Variants in PTPRU observed in about 807,000 individuals in gnomAD.
PTPRU encodes receptor-type tyrosine-protein phosphatase U.
Under a neutral mutation model 166.3 loss-of-function variants are expected in PTPRU, and 69 were observed. The ratio of observed to expected loss-of-function variants is 0.41; its 90% CI spans 0.34 to 0.51. The LOEUF is 0.51. Among genes scored for constraint, PTPRU ranks in the 20% least tolerant of loss-of-function variants. PTPRU has a pLI of 0.09. For synonymous variants in PTPRU, 793 were observed against 814.0 expected (o/e 0.97, Z 0.44); for missense variants, 1,657 against 2,013.7 (o/e 0.82, Z 3.39).
Position 29,326,239 on chromosome 1 carries a change from C to G in PTPRU, c.*578C>G, listed in dbSNP as rs1406783095. The G allele has an allele frequency of 1.4e-5, 3 of 210,732 alleles. No homozygotes were observed. The highest frequency in any genetic ancestry group is 2.3e-5 in the African/African-American group (1 of 43,922). 13.1% of individuals were successfully genotyped at this position (210,732 alleles called of 1,614,324 possible). A position where few individuals can be genotyped will look rare whatever the true frequency, so the allele number is the denominator to read the frequency against. The stretch of plus-strand genomic sequence containing the variant: ...CTGCAGCGCCCTCCTCCCCACTGCC[C>G]CCTGCAGCCCCTGAGATATTTTGCT... On this transcript the variant is annotated 3_prime_UTR_variant, in exon 30 of 30. Transcript: ENST00000373779.
rs763070961 is a variant in PTPRU at position 29,310,789 on chromosome 1, C to A, written c.2857+9C>A. ...CTTCATAGCCACTCAAGGTACCTGGCACTTCTGCCCACATGCGCCTTCCCA... is the reference window on the plus strand; with the variant it reads ...CTTCATAGCCACTCAAGGTACCTGGAACTTCTGCCCACATGCGCCTTCCCA... On this transcript the variant is annotated intron_variant, in intron 19 of 29. Transcript: ENST00000373779. The A allele has an allele frequency of 1.9e-6, 3 of 1,613,226 alleles. No individual in the cohort carries two copies. In the South Asian group the frequency reaches 3.3e-5, roughly 18 times the overall value.
rs574366883 is a variant in PTPRU, at chr1:29,238,363, C to A, written c.73+1646C>A. On this transcript the variant is annotated intron_variant, in intron 1 of 29. Transcript: ENST00000373779. The surrounding 1 kb of genome is among the most constrained non-coding windows in gnomAD (Gnocchi z 6.1). ...CGGGGCCCTGCTCCGGGTGACCTCC[C>A]CCGCCCTCGCCACCGGCGGGGCTGC... Among the ~76,000 whole-genome samples the A allele has an allele frequency of 6.6e-6, 1 of 152,050 alleles. No homozygotes were observed. The highest frequency in any genetic ancestry group is 1.5e-5 in the Non-Finnish European group (1 of 67,984).
At chr1:29,241,331 G>A (rs1251251776) in intron 1 of PTPRU, among the ~76,000 whole-genome samples, 1 of 152,082 alleles carries the variant, frequency 6.6e-6, no homozygotes, top group Non-Finnish European at 1.5e-5. Flanking sequence ...CATCCCTGGG[G>A]CTGGAGGTGG....
Position 29,320,636 on chromosome 1 carries a change from A to G in PTPRU, c.3688-49A>G. 1 of 1,508,642 alleles carries G rather than the reference A, an allele frequency of 6.6e-7. No individual in the cohort carries two copies. Among genetic ancestry groups the G allele is most frequent in the Non-Finnish European group, 8.9e-7 (1 of 1,118,122 alleles). The allele number at this position is 1,508,642 out of a possible 1,614,324, so 93.5% of individuals were successfully genotyped here. ...ACAGCCTGGGGCAGAGGCTCAGCCC[A>G]GGCCAGGGGCCGGGAACAGGGCCCT... On this transcript the variant is annotated intron_variant, in intron 25 of 29. Transcript: ENST00000373779. This position sits in a 1 kb window ranked among gnomAD's most constrained non-coding sequence, Gnocchi z 5.2.
chr1:29,292,939 C>T (rs564272199), intron 15 of PTPRU, among the ~76,000 whole-genome samples: 35 of 151,942 alleles, frequency 2.3e-4, no homozygotes, highest in African/African-American at 8.2e-4. Context: ...CCTTAACCTC[C>T]CAAGTAGCTG....
rs763576226 is a variant in PTPRU at position 29,305,424 on chromosome 1, T to C, written c.2816T>C (p.Ile939Thr). ...GCCGACTACATTAATGCCAACTACA[T>C]AGATGTGAGTGCCTTGCCCTGTCAT... ...PNADYINANY[I>T]DGYHRSNHFI... is the part of the protein sequence containing the mutation. The change falls in exon 18 of 30, where the codon ATA becomes ACA. Residue 939 changes from isoleucine to threonine, a missense_variant. Ile to Thr is a moderately conservative substitution (Grantham distance 89). Around this residue, in one of 3 missense-constraint regions of PTPRU, gnomAD observed 1,190 missense variants for 1,477.4 expected, o/e 0.81. Transcript: ENST00000373779. 6.2e-7 allele frequency: 1 copy of C among 1,613,548 alleles called. No individual in the cohort carries two copies. The highest frequency in any genetic ancestry group is 2.2e-5 in the East Asian group (1 of 44,870).
chr1:29,251,914 G>A (rs530525755), intron 1 of PTPRU, among the ~76,000 whole-genome samples: 2 of 152,302 alleles, frequency 1.3e-5, no homozygotes, highest in East Asian at 3.9e-4. Flanking sequence ...TCCTCCTCCA[G>A]GAAGTCCTCC....
At chr1:29,273,303 G>C (rs1315770625) in intron 7 of PTPRU, among the ~76,000 whole-genome samples, 2 of 152,058 alleles carry the variant, frequency 1.3e-5, no homozygotes, top group African/African-American at 4.8e-5. Context: ...GCGTCTCACT[G>C]TGTCGCCCAG....
intron 1 of PTPRU, among the ~76,000 whole-genome samples, chr1:29,247,688 G>A (rs575127170): frequency 3.9e-5 from 6 of 152,286 alleles, no homozygotes; most frequent in East Asian, 1.9e-4. Context: ...GCCCTGGCCT[G>A]TGCCTTCCCC....
chr1:29,324,931 TC>T (rs2151973025), intron 28 of PTPRU, among the ~76,000 whole-genome samples: 1 of 149,706 alleles, frequency 6.7e-6, no homozygotes, highest in East Asian at 2.0e-4. Flanking sequence ...GTTTCCTAGC[TC>T]TGCCCCTCAT....
chr1:29,280,190 G>A lies in PTPRU; in HGVS notation c.1868+49G>A. Reference sequence around the variant, plus strand: ...TGGGAGTCCAGGGCCTTAGGAAAGAGGCCCCTCCTCTGACCCAGAGCCCCA... The same window carrying A: ...TGGGAGTCCAGGGCCTTAGGAAAGAAGCCCCTCCTCTGACCCAGAGCCCCA... On this transcript the variant is annotated intron_variant, in intron 11 of 29. Coordinates refer to ENST00000373779, the MANE Select transcript of PTPRU (RefSeq NM_133178.4). The surrounding 1 kb of genome is among the most constrained non-coding windows in gnomAD (Gnocchi z 4.2). The A allele has an allele frequency of 2.0e-6, 3 of 1,527,124 alleles. No individual in the cohort carries two copies. Among genetic ancestry groups the A allele is most frequent in the Non-Finnish European group, 2.7e-6 (3 of 1,106,242 alleles). The allele number at this position is 1,527,124 out of a possible 1,614,324, so 94.6% of individuals were successfully genotyped here. A position where few individuals can be genotyped will look rare whatever the true frequency, so the allele number is the denominator to read the frequency against.
rs1296960534 is a variant in PTPRU, at chr1:29,311,339, C to G, written c.2858-117C>G. 1 of 924,440 alleles carries G rather than the reference C, an allele frequency of 1.1e-6. No individual in the cohort carries two copies. Among genetic ancestry groups the G allele is most frequent in the Non-Finnish European group, 1.7e-6 (1 of 602,606 alleles). The allele number at this position is 924,440 out of a possible 1,614,324, so 57.3% of individuals were successfully genotyped here. On this transcript the variant is annotated intron_variant, in intron 19 of 29. Coordinates refer to ENST00000373779, the MANE Select transcript of PTPRU (RefSeq NM_133178.4). The surrounding 1 kb of genome is among the most constrained non-coding windows in gnomAD (Gnocchi z 4.1). The stretch of plus-strand genomic sequence containing the variant: ...TGGGTGTTGTGGGCAGCATGAAGCC[C>G]CCGTTGGGGCTCAGGAGGCCTCCTG...
At position 29,280,733 on chromosome 1, in the gene PTPRU, G is replaced by A. The variant is rs1291101783; in HGVS notation, c.1868+592G>A. On this transcript the variant is annotated intron_variant, in intron 11 of 29. Coordinates refer to ENST00000373779, the MANE Select transcript of PTPRU (RefSeq NM_133178.4). The surrounding 1 kb of genome is among the most constrained non-coding windows in gnomAD (Gnocchi z 4.2). ...TTGTGATAAAGACATGGGATGTGTG[G>A]TGTGAGTGTGTGTGAGAGGCGTATA... 6.6e-6 allele frequency among the ~76,000 whole-genome samples: 1 copy of A among 151,894 alleles called. No individual in the cohort carries two copies. Among genetic ancestry groups the A allele is most frequent in the African/African-American group, 2.4e-5 (1 of 41,326 alleles).
chr1:29,325,380 G>A, intron 29 of PTPRU, 54 bp downstream of exon 29: 1 of 1,596,528 alleles, frequency 6.3e-7, no homozygotes, highest in Non-Finnish European at 8.6e-7. Flanking sequence ...TCCATGCCAG[G>A]CCAGGTTCCT....
chr1:29,317,721 C>T lies in PTPRU; in HGVS notation c.3514-27C>T. On this transcript the variant is annotated intron_variant, in intron 24 of 29. Transcript: ENST00000373779. This position sits in a 1 kb window ranked among gnomAD's most constrained non-coding sequence, Gnocchi z 5.6. ...GGCCCAGCAAGCCCTGGACGTAACT[C>T]TCTGTCCCCACCCCCGCTCCCTGTA... is the stretch of plus-strand genomic sequence containing the variant. 6.3e-7 allele frequency: 1 copy of T among 1,584,350 alleles called. No individual in the cohort carries two copies. Among genetic ancestry groups the T allele is most frequent in the Non-Finnish European group, 8.6e-7 (1 of 1,168,176 alleles).
rs200865092 is a variant in PTPRU, at chr1:29,279,650, C to T, written c.1758C>T (p.Asn586=). ...CGGCACTCACTGAGATAACCACTAA[C>T]ATCTCTGGTGAGCCCCACCTGACCC... ...GQAALTEITT[N]ISAPSFDYAD... The change falls in exon 10 of 30, where the codon AAC becomes AAT. Residue 586 remains asparagine, a synonymous_variant. Transcript: ENST00000373779. This position sits in a 1 kb window ranked among gnomAD's most constrained non-coding sequence, Gnocchi z 5.2. The T allele has an allele frequency of 4.0e-5, 65 of 1,611,374 alleles. No homozygotes were observed. The East Asian group carries it at 7.6e-4, about 19-fold the overall frequency.
rs528625395 is a variant in PTPRU, at chr1:29,283,012, T to C, written c.2142+63T>C. The stretch of plus-strand genomic sequence containing the variant: ...GTGTGGGGGGATGGCAGACAGGAGA[T>C]ACCTTGGAGCAGGCCCAGCGCAGAC... On this transcript the variant is annotated intron_variant, in intron 12 of 29. Transcript: ENST00000373779. 17 of 1,583,598 alleles carry C rather than the reference T, an allele frequency of 1.1e-5. No individual in the cohort carries two copies. In the African/African-American group the frequency reaches 1.7e-4, roughly 16 times the overall value.
intron 15 of PTPRU, among the ~76,000 whole-genome samples, chr1:29,302,650 A>G (rs1164395034): frequency 6.6e-6 from 1 of 152,132 alleles, no homozygotes; most frequent in Non-Finnish European, 1.5e-5. Flanking sequence ...CCCAGGTTCA[A>G]GTGATTCTCC....
Position 29,284,717 on chromosome 1 carries a change from T to C in PTPRU, c.2180-14T>C, listed in dbSNP as rs1399068048. On this transcript the variant is annotated splice_polypyrimidine_tract_variant and intron_variant, in intron 13 of 29. Transcript: ENST00000373779. ...TCTTTCCTCTGATCCCTTGTTCTGCTTTGTTCTCCCCAGCTGCCTGCAAGG... is the reference window on the plus strand; with the variant it reads ...TCTTTCCTCTGATCCCTTGTTCTGCCTTGTTCTCCCCAGCTGCCTGCAAGG... The C allele has an allele frequency of 1.2e-6, 2 of 1,613,912 alleles. No individual in the cohort carries two copies. Among genetic ancestry groups the C allele is most frequent in the Admixed American group, 3.3e-5 (2 of 59,996 alleles).
Sources: allele counts gnomAD v4.1 joint callset (sites outside exome capture counted in the v4.1 genomes callset), GRCh38; gene constraint gnomAD v4.1.1; regional missense constraint gnomAD v4.1.1; non-coding constraint Gnocchi (gnomAD v3.1); transcripts MANE v1.5; gene names NCBI Gene and HGNC (gene_info 2026-07-23, HGNC 2026-07-21).